PLCZ1: variants seen among roughly 807,000 people sequenced by gnomAD.
PLCZ1 encodes the protein 1-phosphatidylinositol 4,5-bisphosphate phosphodiesterase zeta-1.
A neutral mutation model predicts 76.8 loss-of-function variants in PLCZ1; 64 were observed. The ratio of observed to expected loss-of-function variants is 0.83; its 90% CI spans 0.68 to 1.03. The LOEUF (loss-of-function observed/expected upper bound fraction) is 1.03. Among genes scored for constraint, PLCZ1 ranks in the 50% least tolerant of loss-of-function variants. The pLI, the probability that PLCZ1 is intolerant of heterozygous loss-of-function variation, is 0.00. For missense variants in PLCZ1, 751 were observed against 713.7 expected, an observed-to-expected ratio of 1.05 and a Z score of -0.60; for synonymous variants, 248 against 230.8, an observed-to-expected ratio of 1.07 and a Z score of -0.68.
At chr12:18,723,579 T>A in intron 3 of PLCZ1, 37 bp from the exon 4 acceptor site, 2 of 1,447,810 alleles carry the variant, frequency 1.4e-6, no homozygotes, top group Non-Finnish European at 1.9e-6. Flanking sequence ...ACATTGTGAG[T>A]ATAAAAAATA....
chr12:18,658,136 A>T, the PLCZ1 span, among the ~76,000 whole-genome samples: 1 of 152,170 alleles, frequency 6.6e-6, no homozygotes, highest in African/African-American at 2.4e-5. Context: ...GTTCATTGAG[A>T]TTTCCTAATC....
chr12:18,727,422 T>C (rs1356785541), intron 3 of PLCZ1, among the ~76,000 whole-genome samples: 1 of 152,142 alleles, frequency 6.6e-6, no homozygotes, highest in Non-Finnish European at 1.5e-5. Context: ...GGACAATTCT[T>C]CCTGGAGGGT....
In PLCZ1 at chr12:18,722,700, G is replaced by T. The variant is rs1958509820; in HGVS notation, c.367+611C>A. Among the ~76,000 whole-genome samples the T allele has an allele frequency of 2.6e-5, 4 of 151,960 alleles. No homozygotes were observed. The South Asian group carries it at 8.3e-4, about 31-fold the overall frequency. ...TTTACCCATTGAAAGATGGAACAAAGATCACAAATTCTATGACAGATCGTT... is the reference window on the plus strand; with the variant it reads ...TTTACCCATTGAAAGATGGAACAAATATCACAAATTCTATGACAGATCGTT... On this transcript the variant is annotated intron_variant, in intron 4 of 14. Transcript: ENST00000266505.
intron 10 of PLCZ1, among the ~76,000 whole-genome samples, chr12:18,699,124 A>G (rs1381081901): frequency 6.6e-6 from 1 of 152,168 alleles, no homozygotes; most frequent in African/African-American, 2.4e-5. Flanking sequence ...CAGTGAAAGG[A>G]AGATGCAGAG....
intron 2 of PLCZ1, among the ~76,000 whole-genome samples, chr12:18,737,107 T>C (rs906253855): frequency 1.3e-5 from 2 of 152,164 alleles, no homozygotes; most frequent in African/African-American, 4.8e-5. Context: ...AAGTTTCAGA[T>C]TGTTAGAACG....
At position 18,696,322 on chromosome 12, in the gene PLCZ1, CTATATATATATATATATATATA is replaced by C. The variant is rs71440372; in HGVS notation, c.1175-78_1175-57del. The C allele has an allele frequency of 3.7e-5, 10 of 267,852 alleles. 1 individual carries two copies. The highest frequency in any genetic ancestry group is 4.4e-5 in the Non-Finnish European group (7 of 157,932). 16.6% of individuals were successfully genotyped at this position (267,852 alleles called of 1,614,324 possible). A position where few individuals can be genotyped will look rare whatever the true frequency, so the allele number is the denominator to read the frequency against. ...GAATTCAAATAAATTTAAAAAGCCA[CTATATATATATATATATATATA>C]TATATATCATATAATTCTATAATAG... On this transcript the variant is annotated intron_variant, in intron 10 of 14. Transcript: ENST00000266505.
In PLCZ1 at chr12:18,694,895, AT is replaced by A. The variant is rs767115927; in HGVS notation, c.1461+14del. ...TAATAACCAAAAAATGTAAAAGAAA[AT>A]TTATTAATCTTACCCTTATTGTAAG... On this transcript the variant is annotated intron_variant, in intron 12 of 14. Transcript: ENST00000266505. The A allele has an allele frequency of 6.4e-7, 1 of 1,560,862 alleles. No individual in the cohort carries two copies. The highest frequency in any genetic ancestry group is 8.8e-7 in the Non-Finnish European group (1 of 1,140,282).
intron 10 of PLCZ1, among the ~76,000 whole-genome samples, chr12:18,697,872 A>C (rs1955299065): frequency 7.8e-6 from 1 of 128,498 alleles, no homozygotes; most frequent in Non-Finnish European, 1.6e-5. Flanking sequence ...TGCAGACATC[A>C]TTGATTATTT....
At chr12:18,682,018 A>G (rs1952464023), downstream of PLCZ1, among the ~76,000 whole-genome samples, 1 of 152,004 alleles carries the variant, frequency 6.6e-6, no homozygotes, top group Middle Eastern at 3.2e-3. Context: ...TTTAAATAAG[A>G]TCCATTCATT....
the PLCZ1 span, among the ~76,000 whole-genome samples, chr12:18,650,401 AT>A: frequency 0.031 from 4,233 of 136,486 alleles, 185 homozygotes; most frequent in African/African-American, 0.093. Flanking sequence ...ATACACACAC[AT>A]TTTTTTTTTA....
At chr12:18,671,834 T>C in the PLCZ1 span, among the ~76,000 whole-genome samples, 61,130 of 151,992 alleles carry the variant, frequency 0.4, 14,360 homozygotes, top group South Asian at 0.6. Context: ...TCTCACAGTT[T>C]TGGAGTTTGA....
chr12:18,672,348 GA>G, the PLCZ1 span, among the ~76,000 whole-genome samples: 1 of 152,020 alleles, frequency 6.6e-6, no homozygotes, highest in African/African-American at 2.4e-5. Flanking sequence ...TAAGAAAAGG[GA>G]AAGGTTTTTA....
Position 18,719,431 on chromosome 12 carries a change from C to G in PLCZ1, c.569G>C (p.Ser190Thr), listed in dbSNP as rs1168670331. Residue 190 changes from serine to threonine, a missense_variant and splice_region_variant, in exon 5 of 15, where the codon AGT (serine) becomes ACT (threonine). By Grantham distance (58) the Ser-to-Thr change is moderately conservative. Transcript: ENST00000266505. ...LGPSDLWGYV[S>T]ALVKGCRCLE... ...ATAGATTTAAAAATAAAATAAATACCTTACATATCCCCAAAGGTCACTTGG... is the reference window on the plus strand; with the variant it reads ...ATAGATTTAAAAATAAAATAAATACGTTACATATCCCCAAAGGTCACTTGG... 2.1e-6 allele frequency: 3 copies of G among 1,454,060 alleles called. No homozygotes were observed. The highest frequency in any genetic ancestry group is 2.8e-6 in the Non-Finnish European group (3 of 1,086,658). The allele number at this position is 1,454,060 out of a possible 1,614,324, so 90.1% of individuals were successfully genotyped here. A position where few individuals can be genotyped will look rare whatever the true frequency, so the allele number is the denominator to read the frequency against.
intron 12 of PLCZ1, chr12:18,693,695 C>T (rs533470456): frequency 7.0e-6 from 11 of 1,565,498 alleles, no homozygotes; most frequent in South Asian, 3.3e-5. Flanking sequence ...AGAAATTCAG[C>T]GAACAACGTT....
intron 6 of PLCZ1, among the ~76,000 whole-genome samples, chr12:18,712,372 T>G (rs1829001234): frequency 6.6e-6 from 1 of 152,168 alleles, no homozygotes; most frequent in Non-Finnish European, 1.5e-5. Flanking sequence ...AATTAAACAT[T>G]TTTGAATCCA....
chr12:18,666,804 T>C, the PLCZ1 span, among the ~76,000 whole-genome samples: 1 of 152,230 alleles, frequency 6.6e-6, no homozygotes, highest in East Asian at 1.9e-4. Context: ...GACCACATAT[T>C]AGGTTACAGA....
At chr12:18,684,507 T>C (rs1181584419) in intron 13 of PLCZ1, among the ~76,000 whole-genome samples, 1 of 152,030 alleles carries the variant, frequency 6.6e-6, no homozygotes, top group Non-Finnish European at 1.5e-5. Flanking sequence ...CTCAATTAAT[T>C]CTGATAACCA....
intron 3 of PLCZ1, chr12:18,730,873 C>A (rs1418772119): frequency 6.6e-6 from 1 of 152,036 alleles, no homozygotes; most frequent in Non-Finnish European, 1.5e-5. Context: ...AATCGAGAAG[C>A]AATAGCTTTT....
intron 13 of PLCZ1, chr12:18,685,792 T>C: frequency 2.8e-6 from 1 of 351,690 alleles, no homozygotes; most frequent in East Asian, 7.4e-5. Context: ...CACATGTGCC[T>C]CTGCCTCCCT....
Sources: gnomAD v4.1 joint callset for allele counts (sites outside exome capture counted in the v4.1 genomes callset) on GRCh38, gnomAD v4.1.1 for gene constraint, MANE v1.5 for transcripts, NCBI Gene and HGNC (gene_info 2026-07-23, HGNC 2026-07-21) for gene names.